Variants in SCFD1 observed in about 807,000 individuals in gnomAD.
The protein encoded by SCFD1 is sec1 family domain-containing protein 1.
A neutral mutation model predicts 103.2 loss-of-function variants in SCFD1; 37 were observed. The observed-to-expected ratio is 0.36, with a 90% CI of 0.28 to 0.47. The LOEUF (loss-of-function observed/expected upper bound fraction) is 0.47, where lower values mean the gene tolerates loss of function less well. SCFD1 is among the 20% of genes least tolerant of loss of function. The probability of loss-of-function intolerance (pLI) is 1.00; values close to 1 mark genes in which losing one functional copy is unlikely to be tolerated. For synonymous variants in SCFD1, 264 were observed against 245.0 expected (o/e 1.08, Z -0.73); for missense variants, 639 against 761.2 (o/e 0.84, Z 1.89).
At chr14:30,666,293 T>G (rs2139180815) in intron 10 of SCFD1, among the ~76,000 whole-genome samples, 1 of 152,332 alleles carries the variant, frequency 6.6e-6, no homozygotes, top group East Asian at 1.9e-4. Context: ...AACAACCTGC[T>G]TCTGAATGAC....
At chr14:30,698,081 A>G (rs1363012871) in intron 15 of SCFD1, among the ~76,000 whole-genome samples, 2 of 152,184 alleles carry the variant, frequency 1.3e-5, no homozygotes, top group African/African-American at 4.8e-5. Flanking sequence ...TTTGGGGGTA[A>G]TGGGACAGCA....
At chr14:30,625,112 A>G (rs963277439) in intron 1 of SCFD1, among the ~76,000 whole-genome samples, 3 of 151,984 alleles carry the variant, frequency 2.0e-5, no homozygotes, top group African/African-American at 7.3e-5. Flanking sequence ...TTATCCCCCA[A>G]TTAGAATGAA....
chr14:30,730,491 C>T (rs1346976485), intron 23 of SCFD1, among the ~76,000 whole-genome samples: 2 of 152,304 alleles, frequency 1.3e-5, no homozygotes, highest in African/African-American at 4.8e-5. Flanking sequence ...TAAAAGTGTT[C>T]CTATTTCTCC....
chr14:30,653,256 G>A (rs575725331), intron 9 of SCFD1, among the ~76,000 whole-genome samples: 47 of 152,144 alleles, frequency 3.1e-4, no homozygotes, highest in African/African-American at 1.0e-3. Context: ...AGCTATGATC[G>A]CGCCACTGCA....
At chr14:30,651,605 TCTTA>T (rs147178799) in intron 9 of SCFD1, among the ~76,000 whole-genome samples, 2,504 of 151,962 alleles carry the variant, frequency 0.016, 87 homozygotes, top group African/African-American at 0.057. Context: ...CTGTGTCATA[TCTTA>T]CTTAATAGTT....
chr14:30,667,122 A>G (rs181018670), intron 10 of SCFD1, among the ~76,000 whole-genome samples: 5 of 152,342 alleles, frequency 3.3e-5, no homozygotes, highest in Admixed American at 2.6e-4. Flanking sequence ...TTTTAGACCA[A>G]TATCCCTGAT....
At chr14:30,645,974 A>G (rs1487632500) in intron 7 of SCFD1, among the ~76,000 whole-genome samples, 2 of 151,444 alleles carry the variant, frequency 1.3e-5, no homozygotes, top group Non-Finnish European at 2.9e-5. Context: ...TACTCTTATT[A>G]TTTTGAGGTA....
chr14:30,724,765 CTA>C (rs747365060), intron 23 of SCFD1, among the ~76,000 whole-genome samples: 33 of 152,078 alleles, frequency 2.2e-4, no homozygotes, highest in Non-Finnish European at 3.7e-4. Context: ...TTGCCCATTC[CTA>C]TGTCCAGAAT....
At chr14:30,697,937 C>G (rs150309256) in intron 15 of SCFD1, among the ~76,000 whole-genome samples, 1 of 152,180 alleles carries the variant, frequency 6.6e-6, no homozygotes, top group Non-Finnish European at 1.5e-5. Context: ...ATTGGTAAAA[C>G]TTCAACTAGG....
chr14:30,695,973 A>C (rs1315248908), intron 15 of SCFD1, among the ~76,000 whole-genome samples: 1 of 152,226 alleles, frequency 6.6e-6, no homozygotes, highest in East Asian at 1.9e-4. Context: ...GGATCTACAT[A>C]GAGTCTTAGT....
intron 10 of SCFD1, among the ~76,000 whole-genome samples, chr14:30,668,968 T>G (rs1952113493): frequency 6.6e-6 from 1 of 152,130 alleles, no homozygotes; most frequent in Non-Finnish European, 1.5e-5. Flanking sequence ...GTAGACTAGT[T>G]CAACCATTGT....
chr14:30,728,804 T>C (rs1398160115), intron 23 of SCFD1, among the ~76,000 whole-genome samples: 1 of 151,896 alleles, frequency 6.6e-6, no homozygotes, highest in Non-Finnish European at 1.5e-5. Context: ...CATTTGTATA[T>C]CTTTGGAGAA....
At chr14:30,670,215 CT>C in intron 10 of SCFD1, 40 bp from the exon 11 acceptor site, 1 of 1,488,482 alleles carries the variant, frequency 6.7e-7, no homozygotes, top group East Asian at 2.3e-5. Context: ...TTTTATTAGA[CT>C]TAGAAAACAG....
rs200337436 is a variant in SCFD1, at chr14:30,693,401, G to C, written c.1243-1372G>C. Among the ~76,000 whole-genome samples, 3 of 152,088 alleles carry C rather than the reference G, an allele frequency of 2.0e-5. No individual in the cohort carries two copies. In the East Asian group the frequency reaches 5.8e-4, roughly 29 times the overall value. The stretch of plus-strand genomic sequence containing the variant: ...TTCTCAGTATATGTCTTTTTATGTT[G>C]TATTCATTTTTGAACTATCTGGATA... On this transcript the variant is annotated intron_variant, in intron 14 of 24. Coordinates refer to ENST00000458591, the MANE Select transcript of SCFD1 (RefSeq NM_016106.4).
intron 7 of SCFD1, among the ~76,000 whole-genome samples, chr14:30,645,913 G>T (rs543357384): frequency 6.6e-6 from 1 of 152,114 alleles, no homozygotes; most frequent in Non-Finnish European, 1.5e-5. Context: ...GGGGGAATGC[G>T]TACAGCTTTT....
rs1566646062 is a variant in SCFD1 at position 30,703,961 on chromosome 14, ATAAAT to A, written c.1490+1587_1490+1591del. Among the ~76,000 whole-genome samples the A allele has an allele frequency of 5.1e-3, 247 of 48,762 alleles. 6 individuals are homozygous for A. The highest frequency in any genetic ancestry group is 0.03 in the African/African-American group (95 of 3,170). The allele number at this position is 48,762 out of a possible 152,430, so 32.0% of individuals were successfully genotyped here. On this transcript the variant is annotated intron_variant, in intron 17 of 24. Coordinates refer to ENST00000458591, the MANE Select transcript of SCFD1 (RefSeq NM_016106.4). ...TATATATATATATATATATATATATATAAATAATGAGATATCTTGGGGATGGGACC... is the reference window on the plus strand; with the variant it reads ...TATATATATATATATATATATATATAAATGAGATATCTTGGGGATGGGACC...
intron 7 of SCFD1, among the ~76,000 whole-genome samples, chr14:30,648,859 A>C (rs1481082248): frequency 6.6e-6 from 1 of 152,012 alleles, no homozygotes; most frequent in Non-Finnish European, 1.5e-5. Flanking sequence ...CTGCGGTCCC[A>C]GCTACTCAGG....
chr14:30,692,334 G>T (rs1018640578), intron 14 of SCFD1, among the ~76,000 whole-genome samples: 2 of 152,080 alleles, frequency 1.3e-5, no homozygotes, highest in Admixed American at 6.5e-5. Context: ...CATAAACAAA[G>T]GACAGTAATA....
chr14:30,654,955 G>C (rs1594620200), intron 10 of SCFD1, among the ~76,000 whole-genome samples: 1 of 152,256 alleles, frequency 6.6e-6, no homozygotes, highest in East Asian at 1.9e-4. Context: ...GTAAGAGGTG[G>C]GAGAGGAGGA....
Sources: gnomAD v4.1 joint callset for allele counts (sites outside exome capture counted in the v4.1 genomes callset) on GRCh38, gnomAD v4.1.1 for gene constraint, MANE v1.5 for transcripts, NCBI Gene and HGNC (gene_info 2026-07-23, HGNC 2026-07-21) for gene names.